The following SGCD variants were observed in gnomAD, a reference collection of about 807,000 sequenced individuals.
SGCD encodes sarcoglycan delta.
A neutral mutation model predicts 36.6 loss-of-function variants in SGCD; 18 were observed. The observed-to-expected ratio is 0.49, with a 90% confidence interval of 0.34 to 0.73. The LOEUF is 0.73. Ranked by LOEUF, SGCD falls within the 30% of genes least tolerant of loss-of-function variation. The pLI, the probability that SGCD is intolerant of heterozygous loss-of-function variation, is 0.01. For missense variants in SGCD, 387 were observed against 346.7 expected, an observed-to-expected ratio of 1.12 and a Z score of -0.92; for synonymous variants, 133 against 130.6, an observed-to-expected ratio of 1.02 and a Z score of -0.12.
At chr5:155,799,097 T>C in the SGCD span, among the ~76,000 whole-genome samples, 2 of 152,212 alleles carry the variant, frequency 1.3e-5, no homozygotes, top group Non-Finnish European at 2.9e-5. Flanking sequence ...CAAAGCCTTC[T>C]CTCTTTGTCC....
intron 3 of SGCD, among the ~76,000 whole-genome samples, chr5:156,170,278 A>G (rs1763312170): frequency 6.6e-6 from 1 of 152,240 alleles, no homozygotes; most frequent in South Asian, 2.1e-4. Context: ...CTTGTAACCA[A>G]GAATTTTTAC....
At chr5:155,834,887 G>C in the SGCD span, among the ~76,000 whole-genome samples, 3 of 149,802 alleles carry the variant, frequency 2.0e-5, no homozygotes, top group Non-Finnish European at 4.4e-5. Context: ...CCAGGCTGCA[G>C]TGCAGTGGTG....
chr5:155,816,547 G>T, the SGCD span, among the ~76,000 whole-genome samples: 9 of 152,184 alleles, frequency 5.9e-5, no homozygotes, highest in Non-Finnish European at 1.2e-4. Flanking sequence ...AGAAGCAGAA[G>T]AAACTCTACA....
intron 7 of SGCD, among the ~76,000 whole-genome samples, chr5:156,651,514 A>G: frequency 6.6e-6 from 1 of 152,146 alleles, no homozygotes; most frequent in East Asian, 1.9e-4. Flanking sequence ...ATTCTTCTGC[A>G]TGTGATTAGC....
upstream of SGCD, chr5:156,326,643 C>G (rs184439043): frequency 1.5e-4 from 22 of 151,562 alleles, no homozygotes; most frequent in Admixed American, 1.3e-3. Context: ...TTACATCTCT[C>G]AGCTGTAATA....
chr5:156,070,360 A>T (rs528953520), intron 1 of SGCD, among the ~76,000 whole-genome samples: 4 of 151,622 alleles, frequency 2.6e-5, no homozygotes, highest in African/African-American at 9.8e-5. Context: ...AATTTTGTCA[A>T]AGGCCTTTTC....
the SGCD span, among the ~76,000 whole-genome samples, chr5:155,862,486 C>A: frequency 1.3e-5 from 2 of 152,114 alleles, no homozygotes; most frequent in African/African-American, 4.8e-5. Flanking sequence ...ACCGCTACAC[C>A]TGGCTAGTTT....
At chr5:156,053,520 ATAAAAT>A (rs1360771492) in intron 1 of SGCD, among the ~76,000 whole-genome samples, 1 of 146,280 alleles carries the variant, frequency 6.8e-6, no homozygotes, top group African/African-American at 2.5e-5. Flanking sequence ...AAATTAGAAG[ATAAAAT>A]TAAGAATGTA....
intron 3 of SGCD, among the ~76,000 whole-genome samples, chr5:156,273,306 T>C (rs1271023746): frequency 6.6e-6 from 1 of 152,210 alleles, no homozygotes; most frequent in East Asian, 1.9e-4. Flanking sequence ...TATGTCTTTT[T>C]TCATATAAAG....
intron 3 of SGCD, among the ~76,000 whole-genome samples, chr5:156,138,215 C>A (rs1212486669): frequency 6.6e-6 from 1 of 152,130 alleles, no homozygotes; most frequent in Non-Finnish European, 1.5e-5. Context: ...GCCTGACCAA[C>A]ATGGTGAAAC....
chr5:156,018,572 A>G (rs1759034018), intron 1 of SGCD, among the ~76,000 whole-genome samples: 1 of 152,186 alleles, frequency 6.6e-6, no homozygotes, highest in South Asian at 2.1e-4. Flanking sequence ...CCATAGAATA[A>G]AATGGTACTC....
rs554238079 is a variant in SGCD at position 156,516,227 on chromosome 5, CA to C, written c.294+7526del. 8.3e-3 allele frequency among the ~76,000 whole-genome samples: 1,258 copies of C among 152,180 alleles called. 8 individuals carry two copies. Among genetic ancestry groups the C allele is most frequent in the African/African-American group, 0.029 (1,191 of 41,528 alleles). ...TGCCTCCTGACTAGGTGAGACCCCCCACACACACACCCCCAATAGGGGTTGC... is the reference window on the plus strand; with the variant it reads ...TGCCTCCTGACTAGGTGAGACCCCCCCACACACACCCCCAATAGGGGTTGC... On this transcript the variant is annotated intron_variant, in intron 4 of 8. Coordinates refer to ENST00000337851, the MANE Select transcript of SGCD (RefSeq NM_000337.6).
intron 3 of SGCD, among the ~76,000 whole-genome samples, chr5:156,439,869 T>A (rs1753408823): frequency 6.6e-6 from 1 of 152,126 alleles, no homozygotes; most frequent in Non-Finnish European, 1.5e-5. Context: ...GGAAAAAAAA[T>A]CATGGAAATC....
chr5:155,735,864 G>A, the SGCD span, among the ~76,000 whole-genome samples: 1 of 152,128 alleles, frequency 6.6e-6, no homozygotes, highest in Non-Finnish European at 1.5e-5. Flanking sequence ...AAATGTGTCT[G>A]GAGTAGGATC....
the SGCD span, among the ~76,000 whole-genome samples, chr5:155,859,624 T>C: frequency 6.6e-6 from 1 of 152,220 alleles, no homozygotes; most frequent in African/African-American, 2.4e-5. Context: ...TTGTTGTTTT[T>C]GTTTTTTCAC....
At chr5:156,265,750 G>A (rs1354009741) in intron 3 of SGCD, among the ~76,000 whole-genome samples, 2 of 151,686 alleles carry the variant, frequency 1.3e-5, no homozygotes, top group African/African-American at 2.4e-5. Context: ...TTTTTGCTTT[G>A]CAAATCACCA....
At chr5:156,722,466 G>A (rs768525483) in intron 7 of SGCD, among the ~76,000 whole-genome samples, 11 of 152,164 alleles carry the variant, frequency 7.2e-5, no homozygotes, top group Non-Finnish European at 1.5e-4. Flanking sequence ...TTGTCATAAA[G>A]TCTATACAGC....
At chr5:156,657,627 G>T (rs1008722289) in intron 7 of SGCD, among the ~76,000 whole-genome samples, 1 of 152,072 alleles carries the variant, frequency 6.6e-6, no homozygotes, top group Non-Finnish European at 1.5e-5. Flanking sequence ...GCTGGGTGTG[G>T]TGGTGCATGC....
At chr5:156,210,015 G>A (rs1396831390) in intron 3 of SGCD, among the ~76,000 whole-genome samples, 1 of 152,172 alleles carries the variant, frequency 6.6e-6, no homozygotes, top group African/African-American at 2.4e-5. Context: ...GTCATCTCCT[G>A]TGGACCCAGG....
Sources: gnomAD v4.1 joint callset for allele counts (sites outside exome capture counted in the v4.1 genomes callset) on GRCh38, gnomAD v4.1.1 for gene constraint, MANE v1.5 for transcripts, NCBI Gene and HGNC (gene_info 2026-07-23, HGNC 2026-07-21) for gene names.